The following LCORL variants were observed in gnomAD, a reference collection of about 807,000 sequenced individuals.
The protein encoded by LCORL is ligand dependent nuclear receptor corepressor like, also known as ligand-dependent nuclear receptor corepressor-like protein.
Under a neutral mutation model 141.8 loss-of-function variants are expected in LCORL, and 41 were observed. That is an observed-to-expected ratio of 0.29 (90% confidence interval 0.23 to 0.38). The LOEUF is 0.38. Ranked by LOEUF, LCORL falls within the 10% of genes least tolerant of loss-of-function variation. The probability of loss-of-function intolerance (pLI) is 1.00; values close to 1 mark genes in which losing one functional copy is unlikely to be tolerated. For synonymous variants in LCORL, 618 were observed against 694.1 expected (o/e 0.89, Z 1.72); for missense variants, 1,759 against 2,035.0 (o/e 0.86, Z 2.61).
chr4:18,009,127 A>G (rs1723270761), intron 1 of LCORL, among the ~76,000 whole-genome samples: 2 of 152,066 alleles, frequency 1.3e-5, no homozygotes, highest in South Asian at 4.1e-4. Context: ...ATACACATAC[A>G]TTTCTATATC....
intron 4 of LCORL, among the ~76,000 whole-genome samples, chr4:17,955,867 CAG>C (rs1712517293): frequency 6.6e-6 from 1 of 152,010 alleles, no homozygotes; most frequent in East Asian, 1.9e-4. Context: ...GAACTGAGTA[CAG>C]AGAGAAGTGA....
intron 7 of LCORL, among the ~76,000 whole-genome samples, chr4:17,857,027 A>C (rs1232511196): frequency 6.6e-6 from 1 of 152,208 alleles, no homozygotes; most frequent in Non-Finnish European, 1.5e-5. Flanking sequence ...CGGCACATAG[A>C]AACTGGACAA....
At chr4:18,012,357 T>C (rs915162764) in intron 1 of LCORL, among the ~76,000 whole-genome samples, 3 of 152,210 alleles carry the variant, frequency 2.0e-5, no homozygotes. Flanking sequence ...GCTGATAAGT[T>C]CAATTCAGGG....
chr4:17,916,764 T>A (rs1733508309), intron 4 of LCORL, among the ~76,000 whole-genome samples: 1 of 146,600 alleles, frequency 6.8e-6, no homozygotes, highest in Admixed American at 6.8e-5. Context: ...CATGTCTCCA[T>A]CTCCCGAGTA....
At position 17,998,985 on chromosome 4, in the gene LCORL, AATATATATATATATATATACACACAT is replaced by A. The variant is rs1255619247; in HGVS notation, c.154+22587_154+22612del. ...GTCTCAAAAAAAAAAAAAAAAAAAAAATATATATATATATATATACACACATATATATATATATATATATAGTATAG... is the reference window on the plus strand; with the variant it reads ...GTCTCAAAAAAAAAAAAAAAAAAAAAATATATATATATATATATAGTATAG... On this transcript the variant is annotated intron_variant, in intron 1 of 7. Transcript: ENST00000635767. Among the ~76,000 whole-genome samples, 108 of 57,872 alleles carry A rather than the reference AATATATATATATATATATACACACAT, an allele frequency of 1.9e-3. 2 individuals are homozygous for A. The highest frequency in any genetic ancestry group is 5.8e-3 in the African/African-American group (95 of 16,400). The allele number at this position is 57,872 out of a possible 152,430, so 38.0% of individuals were successfully genotyped here. A position where few individuals can be genotyped will look rare whatever the true frequency, so the allele number is the denominator to read the frequency against.
chr4:17,851,371 T>TTATTGTC (rs1560250039), intron 7 of LCORL, among the ~76,000 whole-genome samples: 1 of 152,180 alleles, frequency 6.6e-6, no homozygotes, highest in Non-Finnish European at 1.5e-5. Context: ...TGTTACCATT[T>TTATTGTC]TATTGTCTAT....
intron 2 of LCORL, among the ~76,000 whole-genome samples, chr4:17,966,825 C>A (rs1714976519): frequency 1.3e-5 from 2 of 152,150 alleles, no homozygotes; most frequent in South Asian, 4.1e-4. Flanking sequence ...GAACTTTCAT[C>A]CATTGCTGGT....
exon 5 of LCORL, chr4:17,909,258 A>C: frequency 2.5e-6 from 4 of 1,613,148 alleles, no homozygotes; most frequent in Non-Finnish European, 3.4e-6. Context: ...ACTTTTTGAA[A>C]TGTACTCAAT....
intron 1 of LCORL, among the ~76,000 whole-genome samples, chr4:17,989,934 C>T (rs1358901692): frequency 1.3e-5 from 2 of 152,060 alleles, no homozygotes; most frequent in African/African-American, 4.8e-5. Flanking sequence ...GACAGAGGTC[C>T]TCATTCTCTT....
chr4:17,842,347 G>A, exon 8 of LCORL: 2 of 1,612,204 alleles, frequency 1.2e-6, no homozygotes, highest in African/African-American at 1.3e-5. Context: ...GGACGAACAG[G>A]AGGTGTCAGA....
chr4:17,877,806 G>C, exon 7 of LCORL: 1 of 1,230,658 alleles, frequency 8.1e-7, no homozygotes, highest in East Asian at 3.2e-5. Context: ...GCACCTGTGA[G>C]AATTATAACT....
At chr4:17,985,004 C>T (rs1718703663) in intron 1 of LCORL, among the ~76,000 whole-genome samples, 1 of 152,002 alleles carries the variant, frequency 6.6e-6, no homozygotes, top group African/African-American at 2.4e-5. Flanking sequence ...GCTTTAATTT[C>T]ATTATTTATC....
At chr4:17,882,343 A>G (rs1006838269) in intron 6 of LCORL, 53 of 984,560 alleles carry the variant, frequency 5.4e-5, no homozygotes, top group Non-Finnish European at 6.1e-5. Flanking sequence ...TTTTGAATAC[A>G]TAAAGCAAAT....
chr4:17,861,266 C>G (rs1189816315), intron 7 of LCORL, among the ~76,000 whole-genome samples: 2 of 152,234 alleles, frequency 1.3e-5, no homozygotes, highest in Non-Finnish European at 2.9e-5. Flanking sequence ...GAAATCTAGG[C>G]AGAGGTTCCC....
intron 4 of LCORL, among the ~76,000 whole-genome samples, chr4:17,918,311 C>G (rs1170470396): frequency 6.6e-6 from 1 of 152,024 alleles, no homozygotes; most frequent in Non-Finnish European, 1.5e-5. Flanking sequence ...CATTATGGGA[C>G]ATGCAAAGAC....
chr4:17,968,112 C>A (rs1577580130), intron 2 of LCORL, among the ~76,000 whole-genome samples: 1 of 152,176 alleles, frequency 6.6e-6, no homozygotes, highest in African/African-American at 2.4e-5. Context: ...CCTGCCTCGG[C>A]CTCCCAAAAT....
chr4:18,021,127 C>T lies in LCORL; in HGVS notation c.154+471G>A, dbSNP rs1214395272. On this transcript the variant is annotated intron_variant, in intron 1 of 7. Coordinates refer to ENST00000635767, the Ensembl canonical transcript of LCORL. This position sits in a 1 kb window ranked among gnomAD's most constrained non-coding sequence, Gnocchi z 5.5. The stretch of plus-strand genomic sequence containing the variant: ...ACTGGCCGCGTCTGCTCACCCGGCC[C>T]CCGGCGGCGACAAGGGGGTGTGTGT... Among the ~76,000 whole-genome samples, 1 of 152,018 alleles carries T rather than the reference C, an allele frequency of 6.6e-6. No homozygotes were observed. The highest frequency in any genetic ancestry group is 1.5e-5 in the Non-Finnish European group (1 of 67,970).
At chr4:17,941,337 T>G (rs190511934) in intron 4 of LCORL, among the ~76,000 whole-genome samples, 36 of 152,226 alleles carry the variant, frequency 2.4e-4, no homozygotes, top group Admixed American at 3.9e-4. Context: ...ACTTATACAT[T>G]TTTATATGCT....
chr4:17,913,171 A>G (rs895365511), intron 4 of LCORL, among the ~76,000 whole-genome samples: 16 of 152,208 alleles, frequency 1.1e-4, no homozygotes, highest in African/African-American at 3.6e-4. Context: ...ACTGGTGATT[A>G]ACAACAGGAA....
Sources: gnomAD v4.1 joint callset for allele counts (sites outside exome capture counted in the v4.1 genomes callset) on GRCh38, gnomAD v4.1.1 for gene constraint, Gnocchi (gnomAD v3.1) non-coding constraint, MANE v1.5 for transcripts, NCBI Gene and HGNC (gene_info 2026-07-23, HGNC 2026-07-21) for gene names.